Variants in THRAP3 observed in about 807,000 individuals in gnomAD.
The protein encoded by THRAP3 is thyroid hormone receptor-associated protein 3.
THRAP3 carries 16 observed loss-of-function variants against 101.0 expected under a neutral mutation model. The ratio of observed to expected loss-of-function variants is 0.16; its 90% CI spans 0.11 to 0.24. THRAP3 has a LOEUF of 0.24. Among genes scored for constraint, THRAP3 ranks in the 10% least tolerant of loss-of-function variants. The pLI is 1.00. For synonymous variants in THRAP3, 407 were observed against 422.6 expected (o/e 0.96, Z 0.45); for missense variants, 989 against 1,202.7 (o/e 0.82, Z 2.63).
At chr1:36,268,960 A>G (rs1645552250) in intron 2 of THRAP3, among the ~76,000 whole-genome samples, 1 of 152,288 alleles carries the variant, frequency 6.6e-6, no homozygotes, top group Non-Finnish European at 1.5e-5. Context: ...TCCTGGCCTC[A>G]GGTGATCCAC....
chr1:36,282,360 A>C (rs1645743274), intron 2 of THRAP3, among the ~76,000 whole-genome samples, 173 bp from the exon 3 acceptor site: 1 of 151,740 alleles, frequency 6.6e-6, no homozygotes, highest in Non-Finnish European at 1.5e-5. Context: ...CTAGGACTAC[A>C]GGAACGCACC....
chr1:36,280,835 C>T (rs1000079332), intron 2 of THRAP3, among the ~76,000 whole-genome samples: 20 of 150,694 alleles, frequency 1.3e-4, no homozygotes, highest in Non-Finnish European at 1.9e-4. Context: ...AACTTAGAGG[C>T]GCTCTTCTTT....
intron 1 of THRAP3, chr1:36,242,210 G>T (rs906421188): frequency 6.5e-6 from 1 of 153,032 alleles, no homozygotes; most frequent in African/African-American, 2.4e-5. Flanking sequence ...CTGTCCCACA[G>T]GCTGGAGTAC....
chr1:36,220,246 G>A (rs1204560859), upstream of THRAP3, among the ~76,000 whole-genome samples: 1 of 152,156 alleles, frequency 6.6e-6, no homozygotes, highest in South Asian at 2.1e-4. Flanking sequence ...ACCCATCTCG[G>A]CCTGCCAAAA....
chr1:36,271,139 T>C (rs759768618), intron 2 of THRAP3, among the ~76,000 whole-genome samples: 2 of 152,232 alleles, frequency 1.3e-5, no homozygotes, highest in Non-Finnish European at 2.9e-5. Context: ...TATGTCCTTA[T>C]ATAGATATGT....
chr1:36,235,199 C>CA (rs1645071663), intron 1 of THRAP3, among the ~76,000 whole-genome samples: 1 of 152,106 alleles, frequency 6.6e-6, no homozygotes, highest in Non-Finnish European at 1.5e-5. Context: ...CAATGACAGG[C>CA]ACGTGGTAGG....
intron 1 of THRAP3, among the ~76,000 whole-genome samples, chr1:36,234,848 T>A (rs1645067355): frequency 7.2e-6 from 1 of 138,202 alleles, no homozygotes; most frequent in African/African-American, 2.7e-5. Context: ...AGAGTCTCGC[T>A]CTGTCGCCTA....
intron 2 of THRAP3, among the ~76,000 whole-genome samples, chr1:36,272,245 C>T (rs1645601495): frequency 1.3e-5 from 2 of 152,182 alleles, no homozygotes; most frequent in South Asian, 4.1e-4. Context: ...GACATCACCC[C>T]CACTTTTTAG....
At chr1:36,254,459 A>T (rs912098425) in intron 1 of THRAP3, among the ~76,000 whole-genome samples, 4 of 152,222 alleles carry the variant, frequency 2.6e-5, no homozygotes, top group Admixed American at 2.0e-4. Context: ...TCTTGTTTTG[A>T]TGTGATGGAT....
intron 1 of THRAP3, among the ~76,000 whole-genome samples, chr1:36,250,651 C>T (rs954244325): frequency 6.6e-6 from 1 of 151,722 alleles, no homozygotes; most frequent in African/African-American, 2.4e-5. Flanking sequence ...GTGGCCCACG[C>T]CTGTAATCCC....
At chr1:36,259,754 AC>A (rs1297205701) in intron 2 of THRAP3, among the ~76,000 whole-genome samples, 1 of 116,590 alleles carries the variant, frequency 8.6e-6, no homozygotes, top group Non-Finnish European at 1.8e-5. Flanking sequence ...TGACAGCAAG[AC>A]CCTGTCTCAA....
the THRAP3 span, among the ~76,000 whole-genome samples, chr1:36,219,032 CA>C: frequency 0.011 from 727 of 64,716 alleles, no homozygotes; most frequent in Middle Eastern, 0.037. Context: ...GGCTCCATCT[CA>C]AAAAAAAAAA....
chr1:36,215,346 A>G, the THRAP3 span, among the ~76,000 whole-genome samples: 1 of 152,186 alleles, frequency 6.6e-6, no homozygotes. Flanking sequence ...CATTGACATT[A>G]TTGTGCTTCT....
intron 2 of THRAP3, among the ~76,000 whole-genome samples, chr1:36,260,442 C>A (rs543752055): frequency 2.6e-5 from 4 of 152,112 alleles, no homozygotes; most frequent in Admixed American, 1.3e-4. Flanking sequence ...TTTTGCTTTA[C>A]AGTGTTTGTT....
intron 1 of THRAP3, among the ~76,000 whole-genome samples, chr1:36,255,772 C>CA (rs113469683): frequency 0.56 from 73,786 of 132,010 alleles, 20,494 homozygotes; most frequent in East Asian, 0.86. Context: ...GACTCTGTCT[C>CA]AAAAAAAAAA....
At position 36,268,295 on chromosome 1, in the gene THRAP3, G is replaced by T. The variant is rs1442279506; in HGVS notation, c.-32+8811G>T. 2.0e-5 allele frequency among the ~76,000 whole-genome samples: 3 copies of T among 151,586 alleles called. No homozygotes were observed. The East Asian group carries it at 5.8e-4, about 29-fold the overall frequency. On this transcript the variant is annotated intron_variant, in intron 2 of 11. Coordinates refer to ENST00000354618, the MANE Select transcript of THRAP3 (RefSeq NM_005119.4). ...AGTATGAATTTTCTGAGAATCAGAT[G>T]ACTCAGTGTGTTTTTTATCATCCAA...
chr1:36,261,489 C>T (rs575330649), intron 2 of THRAP3, among the ~76,000 whole-genome samples: 93 of 152,254 alleles, frequency 6.1e-4, no homozygotes, highest in African/African-American at 8.2e-4. Flanking sequence ...GCTGAGATCG[C>T]GCCATTGCAA....
chr1:36,232,685 C>T (rs919711113), intron 1 of THRAP3, among the ~76,000 whole-genome samples: 1 of 152,176 alleles, frequency 6.6e-6, no homozygotes, highest in Non-Finnish European at 1.5e-5. Flanking sequence ...TGATGGCATT[C>T]TCTGAAGTGC....
At chr1:36,276,518 TGTCTCAAAA>T (rs1645662532) in intron 2 of THRAP3, among the ~76,000 whole-genome samples, 1 of 64,298 alleles carries the variant, frequency 1.6e-5, no homozygotes, top group Non-Finnish European at 3.3e-5. Flanking sequence ...AGCCAGACTC[TGTCTCAAAA>T]AAAAAAAAAA....
Sources: allele counts gnomAD v4.1 joint callset (sites outside exome capture counted in the v4.1 genomes callset), GRCh38; gene constraint gnomAD v4.1.1; transcripts MANE v1.5; gene names NCBI Gene and HGNC (gene_info 2026-07-23, HGNC 2026-07-21).